The following SAXO1 variants were observed in gnomAD, a reference collection of about 807,000 sequenced individuals.
SAXO1 encodes stabilizer of axonemal microtubules 1.
SAXO1 carries 21 observed loss-of-function variants against 17.5 expected under a neutral mutation model. That is an observed-to-expected ratio of 1.20 (90% CI 0.85 to 1.72). The LOEUF is 1.72. Among genes scored for constraint, SAXO1 ranks in the 40% most tolerant of loss-of-function variants. SAXO1 has a pLI of 0.00. For synonymous variants in SAXO1, 274 were observed against 216.5 expected, an observed-to-expected ratio of 1.27 and a Z score of -2.33; for missense variants, 843 against 596.0, an observed-to-expected ratio of 1.41 and a Z score of -4.32.
chr9:18,933,098 C>CT lies in SAXO1; in HGVS notation c.422-4044dup, dbSNP rs549324104. ...AAGTGGTGAAAGCTGACATCCTAGC[C>CT]TTGTTCTCAATCTTAGGGGGAAGCC... On this transcript the variant is annotated intron_variant, in intron 3 of 3. Coordinates refer to ENST00000380534, the MANE Select transcript of SAXO1 (RefSeq NM_153707.4). 1.8e-3 allele frequency among the ~76,000 whole-genome samples: 269 copies of CT among 152,328 alleles called. 1 individual carries two copies. The highest frequency in any genetic ancestry group is 6.3e-3 in the African/African-American group (263 of 41,570).
At chr9:18,991,225 T>C (rs1833797469) in intron 1 of SAXO1, among the ~76,000 whole-genome samples, 1 of 151,960 alleles carries the variant, frequency 6.6e-6, no homozygotes, top group African/African-American at 2.4e-5. Flanking sequence ...ACCACTACAC[T>C]CCTCCAGCCT....
At chr9:19,027,642 A>G (rs1835552064) in intron 1 of SAXO1, 1 of 1,403,732 alleles carries the variant, frequency 7.1e-7, no homozygotes, top group Admixed American at 1.7e-5. Context: ...CTAGTCCGGG[A>G]TGCCTTCGCC....
In SAXO1 at chr9:18,950,825, C is replaced by T. The variant is rs1588428717; in HGVS notation, c.151G>A (p.Glu51Lys). 1.9e-6 allele frequency: 3 copies of T among 1,613,830 alleles called. No individual in the cohort carries two copies. Among genetic ancestry groups the T allele is most frequent in the Non-Finnish European group, 8.5e-7 (1 of 1,179,790 alleles). Residue 51 changes from glutamate (E) to lysine (K), a missense_variant, in exon 2 of 4, where the codon GAG (glutamate) becomes AAG (lysine). Glu to Lys is a moderately conservative substitution (Grantham distance 56). Coordinates refer to ENST00000380534, the MANE Select transcript of SAXO1 (RefSeq NM_153707.4). ...YPFYHSYLPR[E>K]SFKPRREYQK... ...TACTCCCGCCTTGGCTTGAAGGACT[C>T]TCTGGGCAGGTAGGAGTGATAGAAA...
intron 1 of SAXO1, among the ~76,000 whole-genome samples, chr9:18,961,913 C>T (rs1025855138): frequency 7.2e-5 from 11 of 152,178 alleles, no homozygotes; most frequent in Non-Finnish European, 1.5e-4. Flanking sequence ...GGAATTGCCA[C>T]ACTGTCTTCC....
At chr9:18,964,581 T>A (rs1256990190) in intron 1 of SAXO1, among the ~76,000 whole-genome samples, 1 of 152,232 alleles carries the variant, frequency 6.6e-6, no homozygotes, top group East Asian at 1.9e-4. Context: ...TGGCAGTTTA[T>A]ATTTCTGTGG....
intron 1 of SAXO1, among the ~76,000 whole-genome samples, chr9:18,967,578 A>G (rs1378172845): frequency 6.6e-6 from 1 of 152,180 alleles, no homozygotes; most frequent in Non-Finnish European, 1.5e-5. Context: ...CCTCAGTAAT[A>G]GTGGATGCCC....
chr9:18,973,785 T>C (rs1375846802), intron 1 of SAXO1, among the ~76,000 whole-genome samples: 2 of 152,230 alleles, frequency 1.3e-5, no homozygotes, highest in African/African-American at 4.8e-5. Context: ...TCTTACCTAT[T>C]ATATCCTGAT....
chr9:18,988,945 A>C (rs1198167273), intron 1 of SAXO1, among the ~76,000 whole-genome samples: 2 of 152,174 alleles, frequency 1.3e-5, no homozygotes, highest in African/African-American at 4.8e-5. Flanking sequence ...ATCAGAGGGG[A>C]GTATAAAAAC....
chr9:19,036,456 A>G (rs560722706), upstream of SAXO1, among the ~76,000 whole-genome samples: 3 of 152,080 alleles, frequency 2.0e-5, no homozygotes, highest in African/African-American at 7.2e-5. Context: ...GGCCTAGGAG[A>G]AAATGGTTTC....
chr9:18,963,133 C>A (rs200724793), intron 1 of SAXO1, among the ~76,000 whole-genome samples: 1 of 152,102 alleles, frequency 6.6e-6, no homozygotes. Flanking sequence ...ATTTCTGAGG[C>A]CTCTGTTCTT....
chr9:19,048,416 C>T (rs917040950), intron 1 of SAXO1, among the ~76,000 whole-genome samples: 1 of 151,922 alleles, frequency 6.6e-6, no homozygotes, highest in African/African-American at 2.4e-5. Flanking sequence ...GAGATCGCGC[C>T]ACTGCACTCC....
chr9:19,009,979 AC>A (rs1455169798), intron 1 of SAXO1, among the ~76,000 whole-genome samples: 3 of 151,906 alleles, frequency 2.0e-5, no homozygotes, highest in East Asian at 3.9e-4. Context: ...GGTGCATACC[AC>A]CACATCTGGC....
chr9:18,955,711 T>C (rs1832231030), intron 1 of SAXO1, among the ~76,000 whole-genome samples: 1 of 152,186 alleles, frequency 6.6e-6, no homozygotes, highest in Non-Finnish European at 1.5e-5. Context: ...TTCGGTTTTA[T>C]GCACTTGGAA....
At chr9:18,973,967 C>G (rs539119919) in intron 1 of SAXO1, among the ~76,000 whole-genome samples, 1 of 152,276 alleles carries the variant, frequency 6.6e-6, no homozygotes, top group African/African-American at 2.4e-5. Context: ...ACTTCCTTGC[C>G]TTAAAGGAAC....
At chr9:19,015,741 G>C (rs1259944788) in intron 1 of SAXO1, among the ~76,000 whole-genome samples, 5 of 150,590 alleles carry the variant, frequency 3.3e-5, no homozygotes, top group African/African-American at 1.2e-4. Context: ...AGCCTCCCAA[G>C]TTGCTGGGAT....
intron 1 of SAXO1, among the ~76,000 whole-genome samples, chr9:19,023,315 T>C (rs1340010294): frequency 1.3e-5 from 2 of 152,140 alleles, no homozygotes; most frequent in Admixed American, 6.5e-5. Context: ...TCATTCTTCA[T>C]TGCCTAGAAC....
At chr9:18,960,666 C>T (rs1169679839) in intron 1 of SAXO1, among the ~76,000 whole-genome samples, 1 of 152,072 alleles carries the variant, frequency 6.6e-6, no homozygotes, top group African/African-American at 2.4e-5. Context: ...GCCTGTAGTC[C>T]CAGCTACTTG....
intron 1 of SAXO1, among the ~76,000 whole-genome samples, chr9:18,993,956 A>T (rs760420254): frequency 6.6e-6 from 1 of 152,234 alleles, no homozygotes; most frequent in Non-Finnish European, 1.5e-5. Flanking sequence ...GGCTTTCAAG[A>T]GGTTGAAAAG....
chr9:18,963,667 G>A (rs1832587912), intron 1 of SAXO1, among the ~76,000 whole-genome samples: 1 of 152,186 alleles, frequency 6.6e-6, no homozygotes. Flanking sequence ...TGCTGAAGTT[G>A]CTTATAAGCT....
Sources: allele counts gnomAD v4.1 joint callset (sites outside exome capture counted in the v4.1 genomes callset), GRCh38; gene constraint gnomAD v4.1.1; transcripts MANE v1.5; gene names NCBI Gene and HGNC (gene_info 2026-07-23, HGNC 2026-07-21).